Variants in OR3A2 observed in about 807,000 individuals in gnomAD.
OR3A2 encodes olfactory receptor family 3 subfamily A member 2, also known as olfactory receptor 3A2.
For synonymous variants in OR3A2, 126 were observed against 159.3 expected (o/e 0.79, Z 1.57); for missense variants, 318 against 392.8 (o/e 0.81, Z 1.61).
chr17:3,291,874 T>C (rs1427809542), intron 3 of OR3A2: 1 of 1,614,250 alleles, frequency 6.2e-7, no homozygotes, highest in South Asian at 1.1e-5. Context: ...GCTTTCTTCC[T>C]GCCCTCTACA....
chr17:3,354,626 TTTTA>T lies in OR3A2; in HGVS notation c.-178-18504_-178-18501del, dbSNP rs573745247. ...GCAATGAGTCTTTCTTCATCTCCGA[TTTTA>T]TTTATTTGGTCTTCTCTCTTTTTTT... is the stretch of plus-strand genomic sequence containing the variant. On this transcript the variant is annotated intron_variant, in intron 2 of 4. Coordinates refer to the OR3A2 transcript ENST00000573491. Among the ~76,000 whole-genome samples, 221 of 151,510 alleles carry T rather than the reference TTTTA, an allele frequency of 1.5e-3. 14 individuals carry two copies. The highest frequency in any genetic ancestry group is 4.5e-3 in the African/African-American group (183 of 41,066).
In OR3A2 at chr17:3,357,497, T is replaced by C. The variant is rs944434353; in HGVS notation, c.-178-21371A>G. On this transcript the variant is annotated intron_variant, in intron 2 of 4. Transcript: ENST00000573491. ...AATGTATAATTCCATTTTTGTGAGGTGTCTAGAATAGTCAAACTCAAAGAG... is the reference window on the plus strand; with the variant it reads ...AATGTATAATTCCATTTTTGTGAGGCGTCTAGAATAGTCAAACTCAAAGAG... Among the ~76,000 whole-genome samples the C allele has an allele frequency of 2.6e-5, 4 of 151,476 alleles. 1 individual carries two copies. Among genetic ancestry groups the C allele is most frequent in the African/African-American group, 9.8e-5 (4 of 40,900 alleles).
chr17:3,326,240 G>A (rs568059162), intron 3 of OR3A2, among the ~76,000 whole-genome samples: 3 of 152,202 alleles, frequency 2.0e-5, no homozygotes, highest in African/African-American at 4.8e-5. Context: ...GAATAGTGCT[G>A]CAATGAACAT....
At chr17:3,372,847 A>AGGAGAAGGAGAGGGAGAG (rs2049643310) in intron 2 of OR3A2, among the ~76,000 whole-genome samples, 2 of 65,130 alleles carry the variant, frequency 3.1e-5, no homozygotes, top group African/African-American at 5.7e-5. Context: ...GAGAAGGAGA[A>AGGAGAAGGAGAGGGAGAG]GGAGAGGGAG....
chr17:3,309,156 G>A (rs1435349865), intron 3 of OR3A2, among the ~76,000 whole-genome samples: 8 of 151,996 alleles, frequency 5.3e-5, no homozygotes, highest in Non-Finnish European at 1.0e-4. Flanking sequence ...TCCACCCACC[G>A]CGGCCTCCCA....
intron 2 of OR3A2, among the ~76,000 whole-genome samples, chr17:3,380,307 G>A (rs369662407): frequency 2.0e-5 from 3 of 152,198 alleles, no homozygotes; most frequent in African/African-American, 4.8e-5. Context: ...CGTGTGGCAC[G>A]CAGCACAGGG....
intron 3 of OR3A2, among the ~76,000 whole-genome samples, chr17:3,325,100 T>C (rs2049159851): frequency 1.3e-5 from 2 of 151,898 alleles, no homozygotes; most frequent in Non-Finnish European, 2.9e-5. Context: ...TTTTTATATC[T>C]TATGTTTTAT....
chr17:3,376,447 G>C (rs891254295), intron 2 of OR3A2, among the ~76,000 whole-genome samples: 1 of 145,794 alleles, frequency 6.9e-6, no homozygotes, highest in Non-Finnish European at 1.5e-5. Context: ...GACTCTCCTT[G>C]GGCAGGGCTT....
chr17:3,352,063 A>G (rs1043617209), intron 2 of OR3A2, among the ~76,000 whole-genome samples: 8 of 152,000 alleles, frequency 5.3e-5, no homozygotes, highest in Non-Finnish European at 8.8e-5. Context: ...CTTGTGAGAA[A>G]TATCTATTCT....
At chr17:3,280,437 A>T (rs1597315081) in intron 1 of OR3A2, among the ~76,000 whole-genome samples, 1 of 151,500 alleles carries the variant, frequency 6.6e-6, no homozygotes, top group East Asian at 1.9e-4. Flanking sequence ...ACGCCCGGCT[A>T]ATTTTTTTGT....
chr17:3,286,109 C>G (rs953140525), upstream of OR3A2, among the ~76,000 whole-genome samples: 1 of 152,114 alleles, frequency 6.6e-6, no homozygotes, highest in African/African-American at 2.4e-5. Flanking sequence ...TCTTCCCGTC[C>G]CTGCGTCCAT....
intron 3 of OR3A2, among the ~76,000 whole-genome samples, chr17:3,332,885 C>T (rs1242610077): frequency 6.6e-6 from 1 of 152,138 alleles, no homozygotes; most frequent in Non-Finnish European, 1.5e-5. Context: ...ACCTCAGGAC[C>T]ACTATTGTAC....
intron 3 of OR3A2, among the ~76,000 whole-genome samples, chr17:3,295,126 T>C (rs572096193): frequency 6.6e-6 from 1 of 152,220 alleles, no homozygotes; most frequent in African/African-American, 2.4e-5. Flanking sequence ...GTAAATGTTT[T>C]TAAAATCTCA....
chr17:3,322,200 T>C (rs1439321410), intron 3 of OR3A2, among the ~76,000 whole-genome samples: 1 of 152,208 alleles, frequency 6.6e-6, no homozygotes, highest in African/African-American at 2.4e-5. Context: ...TTTGTATTTC[T>C]GTGGGATCGG....
At chr17:3,325,385 CT>C (rs2049163236) in intron 3 of OR3A2, among the ~76,000 whole-genome samples, 1 of 151,492 alleles carries the variant, frequency 6.6e-6, no homozygotes, top group African/African-American at 2.4e-5. Context: ...AATTTTTATA[CT>C]TTTAGTAGAG....
chr17:3,347,425 T>A (rs1044376102), intron 2 of OR3A2, among the ~76,000 whole-genome samples: 5 of 152,096 alleles, frequency 3.3e-5, no homozygotes, highest in Non-Finnish European at 7.4e-5. Flanking sequence ...CCCCAGAGTG[T>A]GATGTTCCCC....
chr17:3,277,686 C>T, exon 2 of OR3A2: 2 of 339,404 alleles, frequency 5.9e-6, no homozygotes, highest in Non-Finnish European at 1.1e-5. Flanking sequence ...TGCTTATTTA[C>T]TTTGTCTACT....
chr17:3,293,462 T>C (rs1264868792), intron 3 of OR3A2, among the ~76,000 whole-genome samples: 1 of 152,182 alleles, frequency 6.6e-6, no homozygotes, highest in Admixed American at 6.5e-5. Context: ...ACAAGGTAGG[T>C]TCCTGCTAGT....
At chr17:3,303,308 A>C (rs1167982326) in intron 3 of OR3A2, among the ~76,000 whole-genome samples, 1 of 152,210 alleles carries the variant, frequency 6.6e-6, no homozygotes, top group Non-Finnish European at 1.5e-5. Context: ...TTATCTAAAA[A>C]ATAAGACAGC....
Sources: gnomAD v4.1 joint callset for allele counts (sites outside exome capture counted in the v4.1 genomes callset) on GRCh38, gnomAD v4.1.1 for gene constraint, MANE v1.5 for transcripts, NCBI Gene and HGNC (gene_info 2026-07-23, HGNC 2026-07-21) for gene names.